Variants in TPRG1 observed in about 807,000 individuals in gnomAD.
The protein encoded by TPRG1 is tumor protein p63 regulated 1.
TPRG1 carries 29 observed loss-of-function variants against 29.3 expected under a neutral mutation model. That is an observed-to-expected ratio of 0.99 (90% CI 0.74 to 1.35). The LOEUF (loss-of-function observed/expected upper bound fraction) is 1.35, where lower values mean the gene tolerates loss of function less well. TPRG1 is among the 40% of genes most tolerant of loss of function. The probability of loss-of-function intolerance (pLI) is 0.00; values close to 1 mark genes in which losing one functional copy is unlikely to be tolerated. For missense variants in TPRG1, 327 were observed against 335.0 expected, an observed-to-expected ratio of 0.98 and a Z score of 0.19; for synonymous variants, 130 against 116.8, an observed-to-expected ratio of 1.11 and a Z score of -0.73.
intron 4 of TPRG1, among the ~76,000 whole-genome samples, chr3:189,072,317 T>C (rs1384395520): frequency 6.6e-6 from 1 of 152,226 alleles, no homozygotes; most frequent in Non-Finnish European, 1.5e-5. Flanking sequence ...TCTAGAGTCA[T>C]GAATTGCATT....
chr3:189,172,689 A>G (rs1421268075), intron 1 of TPRG1, among the ~76,000 whole-genome samples: 1 of 152,222 alleles, frequency 6.6e-6, no homozygotes, highest in Non-Finnish European at 1.5e-5. Flanking sequence ...ATTTCATAAT[A>G]ATATATAGGT....
intron 1 of TPRG1, among the ~76,000 whole-genome samples, chr3:189,175,554 C>T (rs563740999): frequency 6.6e-6 from 1 of 152,162 alleles, no homozygotes; most frequent in African/African-American, 2.4e-5. Context: ...CATTGTTATC[C>T]AAGTTTGTAA....
chr3:189,109,169 AGAG>A (rs1379797742), intron 1 of TPRG1, among the ~76,000 whole-genome samples: 1 of 152,094 alleles, frequency 6.6e-6, no homozygotes, highest in Non-Finnish European at 1.5e-5. Context: ...GGGAAGGAGA[AGAG>A]GAGGAAGGGA....
intron 4 of TPRG1, among the ~76,000 whole-genome samples, chr3:189,263,512 T>C (rs1319142625): frequency 6.6e-6 from 1 of 152,238 alleles, no homozygotes; most frequent in East Asian, 1.9e-4. Flanking sequence ...ATTCTGCTTT[T>C]ATCTGTTGCT....
intron 4 of TPRG1, among the ~76,000 whole-genome samples, chr3:189,083,039 T>C (rs1717706973): frequency 6.6e-6 from 1 of 152,160 alleles, no homozygotes. Flanking sequence ...ATTTCTCATA[T>C]TTTTCCATTG....
chr3:189,091,891 T>A (rs1718360812), intron 4 of TPRG1, among the ~76,000 whole-genome samples: 3 of 152,208 alleles, frequency 2.0e-5, no homozygotes, highest in Admixed American at 6.5e-5. Context: ...TAGACATGTA[T>A]TTTTTCCTAG....
At chr3:189,161,549 T>C (rs1727490854) in intron 5 of TPRG1, among the ~76,000 whole-genome samples, 1 of 152,150 alleles carries the variant, frequency 6.6e-6, no homozygotes, top group African/African-American at 2.4e-5. Flanking sequence ...CTATACAAAA[T>C]ATACCATCCC....
chr3:189,175,727 TAGAA>T (rs1322107950), intron 1 of TPRG1, among the ~76,000 whole-genome samples: 1 of 152,216 alleles, frequency 6.6e-6, no homozygotes, highest in African/African-American at 2.4e-5. Context: ...ACAGTAGAAT[TAGAA>T]AGATGGATAA....
chr3:189,229,093 C>A (rs1460283190), intron 3 of TPRG1, among the ~76,000 whole-genome samples: 1 of 152,126 alleles, frequency 6.6e-6, no homozygotes, highest in Admixed American at 6.5e-5. Context: ...CTGAAAGTTA[C>A]ACAATGCTGA....
chr3:189,316,648 A>G (rs1014627539), intron 5 of TPRG1, among the ~76,000 whole-genome samples: 3 of 152,162 alleles, frequency 2.0e-5, no homozygotes, highest in African/African-American at 7.2e-5. Flanking sequence ...CAAGAATAAT[A>G]CGATGTCCCC....
upstream of TPRG1, among the ~76,000 whole-genome samples, chr3:189,099,582 A>T (rs1718942236): frequency 6.6e-6 from 1 of 151,920 alleles, no homozygotes; most frequent in Non-Finnish European, 1.5e-5. Flanking sequence ...TTAGTTGTTT[A>T]TGTGGTGGTG....
chr3:189,223,886 A>G (rs1737298870), intron 3 of TPRG1, among the ~76,000 whole-genome samples: 1 of 152,150 alleles, frequency 6.6e-6, no homozygotes, highest in Non-Finnish European at 1.5e-5. Context: ...ATATTTATTT[A>G]TATTCATTCA....
intron 4 of TPRG1, among the ~76,000 whole-genome samples, chr3:189,053,695 G>T (rs943050305): frequency 3.9e-5 from 6 of 152,190 alleles, no homozygotes; most frequent in African/African-American, 7.2e-5. Context: ...GCAGTACCCA[G>T]TTAAAGCCAA....
At chr3:189,196,210 A>G (rs1490305984) in intron 1 of TPRG1, among the ~76,000 whole-genome samples, 1 of 152,142 alleles carries the variant, frequency 6.6e-6, no homozygotes, top group East Asian at 1.9e-4. Flanking sequence ...TAAAATGAAG[A>G]TGTTGAGTTA....
At chr3:189,132,837 T>G (rs1723251084) in intron 3 of TPRG1, 1 of 152,214 alleles carries the variant, frequency 6.6e-6, no homozygotes, top group Non-Finnish European at 1.5e-5. Context: ...TCCAGTGTAG[T>G]ATGTCTATTT....
Position 189,282,215 on chromosome 3 carries a change from C to CA in TPRG1, c.480-28154dup, listed in dbSNP as rs577174841. Among the ~76,000 whole-genome samples the CA allele has an allele frequency of 9.4e-3, 891 of 94,688 alleles. 9 individuals are homozygous for CA. Among genetic ancestry groups the CA allele is most frequent in the Non-Finnish European group, 0.014 (724 of 51,676 alleles). The allele number at this position is 94,688 out of a possible 152,430, so 62.1% of individuals were successfully genotyped here. A position where few individuals can be genotyped will look rare whatever the true frequency, so the allele number is the denominator to read the frequency against. On this transcript the variant is annotated intron_variant, in intron 4 of 5. Transcript: ENST00000345063. ...TGTCAGTAGGCATAATAGTCCTTTCCAAAAAAAAAAAAAAAAAGGCAGCAG... is the reference window on the plus strand; with the variant it reads ...TGTCAGTAGGCATAATAGTCCTTTCCAAAAAAAAAAAAAAAAAAGGCAGCAG...
chr3:189,040,216 T>C (rs59641137), intron 4 of TPRG1, among the ~76,000 whole-genome samples: 2,530 of 152,310 alleles, frequency 0.017, 70 homozygotes, highest in African/African-American at 0.058. Context: ...AAGAAACGAA[T>C]TTTAATGAAA....
At chr3:189,014,902 C>T (rs986186833) in intron 3 of TPRG1, among the ~76,000 whole-genome samples, 1 of 152,030 alleles carries the variant, frequency 6.6e-6, no homozygotes, top group Non-Finnish European at 1.5e-5. Flanking sequence ...TGGAATACTA[C>T]AGAAAATTGG....
At chr3:189,226,542 G>A (rs1364336687) in intron 3 of TPRG1, among the ~76,000 whole-genome samples, 1 of 152,078 alleles carries the variant, frequency 6.6e-6, no homozygotes, top group East Asian at 1.9e-4. Context: ...GGAATTTATA[G>A]CACTAAAGGA....
Sources: gnomAD v4.1 joint callset for allele counts (sites outside exome capture counted in the v4.1 genomes callset) on GRCh38, gnomAD v4.1.1 for gene constraint, MANE v1.5 for transcripts, NCBI Gene and HGNC (gene_info 2026-07-23, HGNC 2026-07-21) for gene names.